The following AFM variants were observed in gnomAD, a reference collection of about 807,000 sequenced individuals.
AFM encodes the protein afamin.
In AFM, 82 loss-of-function variants were observed where a neutral mutation model predicts 68.7. That is an observed-to-expected ratio of 1.19 (90% CI 1.00 to 1.43). The LOEUF is 1.43. AFM is among the 40% of genes most tolerant of loss of function. AFM has a pLI of 0.00. For missense variants in AFM, 772 were observed against 701.8 expected (o/e 1.10, Z -1.13); for synonymous variants, 250 against 234.2 (o/e 1.07, Z -0.61).
chr4:73,493,087 A>C (rs940951347), intron 8 of AFM, among the ~76,000 whole-genome samples: 3 of 152,144 alleles, frequency 2.0e-5, no homozygotes, highest in African/African-American at 7.2e-5. Context: ...TACTTGAAGA[A>C]ATTTTGGTAA....
At chr4:73,497,847 G>A in intron 10 of AFM, 98 bp downstream of exon 10, 6 of 665,132 alleles carry the variant, frequency 9.0e-6, no homozygotes, top group Non-Finnish European at 1.4e-5. Flanking sequence ...TTTCAGTTAT[G>A]GCCGATTCAT....
At position 73,487,812 on chromosome 4, in the gene AFM, T is replaced by C. The variant is rs1720947831; in HGVS notation, c.704T>C (p.Val235Ala). 1.3e-6 allele frequency: 2 copies of C among 1,598,346 alleles called. No homozygotes were observed. The highest frequency in any genetic ancestry group is 1.7e-6 in the Non-Finnish European group (2 of 1,165,864). The change falls in exon 6 of 15, where the codon GTA becomes GCA. Residue 235 changes from valine (V) to alanine (A), a missense_variant. By Grantham distance (64) the Val-to-Ala change is moderately conservative. Coordinates refer to ENST00000226355, the MANE Select transcript of AFM (RefSeq NM_001133.2). ...GALLKFGTKV[V>A]HFIYIAILSQ... ...CTTTTGAAATTTGGAACCAAAGTTG[T>C]ACACTTTATGTGAGTTTTATACTAT...
rs1356067732 is a variant in AFM at position 73,499,163 on chromosome 4, C to G, written c.1339C>G (p.Leu447Val). The change falls in exon 11 of 15, where the codon CTG becomes GTG. Residue 447 changes from leucine to valine, a missense_variant. Leu to Val is a conservative substitution (Grantham distance 32, BLOSUM62 1). Transcript: ENST00000226355. ...AGCTCCCCAACTCTCCACTGAAGAA[C>G]TGGTGTCTCTTGGCGAGAAAATGGT... The part of the protein sequence containing the change: ...KIAPQLSTEE[L>V]VSLGEKMVTA... 6.2e-7 allele frequency: 1 copy of G among 1,613,454 alleles called. No homozygotes were observed. Among genetic ancestry groups the G allele is most frequent in the South Asian group, 1.1e-5 (1 of 91,016 alleles).
At position 73,489,988 on chromosome 4, in the gene AFM, GA is replaced by G. The variant is rs1013980285; in HGVS notation, c.843+1237del. Among the ~76,000 whole-genome samples, 63 of 151,376 alleles carry G rather than the reference GA, an allele frequency of 4.2e-4. 1 individual carries two copies. The highest frequency in any genetic ancestry group is 1.5e-3 in the African/African-American group (60 of 41,296). On this transcript the variant is annotated intron_variant, in intron 7 of 14. Transcript: ENST00000226355. The stretch of plus-strand genomic sequence containing the variant: ...GCCCATGTATCCCGGAACTTAAAGT[GA>G]AAAAAAATTGCTCATGCATTCAAAG...
At chr4:73,484,430 GTCTTTCTTTC>G (rs775458617) in intron 3 of AFM, 40 bp downstream of exon 3, 5 of 1,367,170 alleles carry the variant, frequency 3.7e-6, no homozygotes, top group East Asian at 2.7e-5. Flanking sequence ...TTTATCTTAT[GTCTTTCTTTC>G]TCTTTCTTTC....
At chr4:73,488,866 A>T in intron 7 of AFM, 107 bp downstream of exon 7, 2 of 1,073,588 alleles carry the variant, frequency 1.9e-6, no homozygotes, top group Non-Finnish European at 2.7e-6. Context: ...TGAAATCAGA[A>T]TGTGATTTAA....
At chr4:73,502,691 T>C (rs1483074496) in intron 13 of AFM, among the ~76,000 whole-genome samples, 1 of 152,202 alleles carries the variant, frequency 6.6e-6, no homozygotes, top group African/African-American at 2.4e-5. Context: ...TTCATTCTGG[T>C]TGTGAGCCAT....
At chr4:73,487,882 G>A (rs952725028) in intron 6 of AFM, 61 bp downstream of exon 6, 33 of 1,188,362 alleles carry the variant, frequency 2.8e-5, no homozygotes, top group Middle Eastern at 3.9e-4. Flanking sequence ...TCCCATTTTT[G>A]TTAAATGGTT....
chr4:73,484,267 T>C lies in AFM; in HGVS notation c.147T>C (p.Ile49=), dbSNP rs770713150. The change falls in exon 3 of 15, where the codon ATT becomes ATC. Residue 49 remains isoleucine, a synonymous_variant. Coordinates refer to ENST00000226355, the MANE Select transcript of AFM (RefSeq NM_001133.2). The stretch of plus-strand genomic sequence containing the variant: ...ATGTGAACTGTTGCAGCACCATCAT[T>C]GCATTTGCTCAGTATGTTCAGGAAG... ...IEDNIEYITI[I]AFAQYVQEAT... 3 of 1,608,992 alleles carry C rather than the reference T, an allele frequency of 1.9e-6. 1 individual carries two copies. The South Asian group carries it at 3.3e-5, about 18-fold the overall frequency.
intron 9 of AFM, among the ~76,000 whole-genome samples, chr4:73,496,763 T>G (rs1485122603): frequency 2.6e-5 from 4 of 152,228 alleles, no homozygotes; most frequent in African/African-American, 4.8e-5. Flanking sequence ...ATTTTCCTGT[T>G]GAAATTAGTG....
intron 12 of AFM, among the ~76,000 whole-genome samples, chr4:73,501,505 T>G (rs1721421061): frequency 6.6e-6 from 1 of 152,138 alleles, no homozygotes; most frequent in Admixed American, 6.6e-5. Flanking sequence ...AATTGTATTT[T>G]TGTACTCCTT....
At chr4:73,501,257 T>C (rs972814460) in intron 12 of AFM, among the ~76,000 whole-genome samples, 50 of 152,264 alleles carry the variant, frequency 3.3e-4, no homozygotes, top group Middle Eastern at 3.4e-3. Context: ...TCATTTTTAA[T>C]TGACATATAA....
intron 5 of AFM, 53 bp from the exon 6 acceptor site, chr4:73,487,671 A>G: frequency 8.3e-7 from 1 of 1,211,952 alleles, no homozygotes. Context: ...AAAAAATAAG[A>G]GAATAGTGAG....
rs747044965 is a variant in AFM, at chr4:73,503,094, A to G, written c.*24A>G. ...GAAGCCAGCTGCTGGAGATATGTAA[A>G]GAAAAAAGCACCAAAGGTAATACCC... is the stretch of plus-strand genomic sequence containing the variant. On this transcript the variant is annotated 3_prime_UTR_variant, in exon 14 of 15. Transcript: ENST00000226355. The G allele has an allele frequency of 6.2e-7, 1 of 1,612,094 alleles. No individual in the cohort carries two copies. The highest frequency in any genetic ancestry group is 8.5e-7 in the Non-Finnish European group (1 of 1,178,438).
chr4:73,500,989 G>A (rs1238357804), intron 12 of AFM, among the ~76,000 whole-genome samples: 1 of 151,944 alleles, frequency 6.6e-6, no homozygotes. Flanking sequence ...TTCTTAGATC[G>A]AAGGATGGGC....
At chr4:73,487,159 A>G (rs1720924046) in intron 5 of AFM, 60 bp downstream of exon 5, 1 of 1,565,894 alleles carries the variant, frequency 6.4e-7, no homozygotes, top group Non-Finnish European at 8.7e-7. Context: ...ACAGATCCAG[A>G]CCCTGACTTA....
intron 3 of AFM, among the ~76,000 whole-genome samples, chr4:73,485,574 A>G (rs1173622297): frequency 6.9e-6 from 1 of 144,952 alleles, no homozygotes; most frequent in Non-Finnish European, 1.5e-5. Flanking sequence ...GGAGAAGGAG[A>G]AAGAGAAGGA....
Position 73,488,719 on chromosome 4 carries a change from G to T in AFM, c.803G>T (p.Gly268Val), listed in dbSNP as rs1720984860. 4 of 1,613,148 alleles carry T rather than the reference G, an allele frequency of 2.5e-6. No homozygotes were observed. The highest frequency in any genetic ancestry group is 3.4e-6 in the Non-Finnish European group (4 of 1,179,548). ...GAAGATGTTTCTTCCAACTATGATG[G>T]ATGCTGTGAAGGGGATGTTGTGCAG... Reference protein sequence around the residue: ...LVEDVSSNYDGCCEGDVVQCI... With the variant: ...LVEDVSSNYDVCCEGDVVQCI... The change falls in exon 7 of 15, where the codon GGA becomes GTA. Residue 268 changes from glycine (G) to valine (V), a missense_variant. Gly to Val is a moderately radical substitution (Grantham distance 109). Transcript: ENST00000226355.
At position 73,487,059 on chromosome 4, in the gene AFM, G is replaced by A; in HGVS notation, c.575G>A (p.Cys192Tyr). 6.2e-7 allele frequency: 1 copy of A among 1,614,012 alleles called. No homozygotes were observed. Reference sequence around the variant, plus strand: ...CATTTTGAGGAGGTGGCCAAATCATGTTGTGAAGAACAAAACAAAGTCAAC... The same window carrying A: ...CATTTTGAGGAGGTGGCCAAATCATATTGTGAAGAACAAAACAAAGTCAAC... ...AVHFEEVAKS[C>Y]CEEQNKVNCL... is the part of the protein sequence containing the mutation. Residue 192 changes from cysteine to tyrosine, a missense_variant, in exon 5 of 15, where the codon TGT becomes TAT. Coordinates refer to ENST00000226355, the MANE Select transcript of AFM (RefSeq NM_001133.2).
Sources: gnomAD v4.1 joint callset for allele counts (sites outside exome capture counted in the v4.1 genomes callset) on GRCh38, gnomAD v4.1.1 for gene constraint, MANE v1.5 for transcripts, NCBI Gene and HGNC (gene_info 2026-07-23, HGNC 2026-07-21) for gene names.